Variants in KLF16 observed in about 807,000 individuals in gnomAD.
KLF16 encodes the protein KLF transcription factor 16.
KLF16 carries 6 observed loss-of-function variants against 6.1 expected under a neutral mutation model. The ratio of observed to expected loss-of-function variants is 0.98; its 90% CI spans 0.54 to 1.93. The LOEUF (loss-of-function observed/expected upper bound fraction) is 1.93. Among genes scored for constraint, KLF16 ranks in the 30% most tolerant of loss-of-function variants. The probability of loss-of-function intolerance (pLI) is 0.01; values close to 1 mark genes in which losing one functional copy is unlikely to be tolerated. For missense variants in KLF16, 355 were observed against 363.8 expected, an observed-to-expected ratio of 0.98 and a Z score of 0.20; for synonymous variants, 211 against 176.5, an observed-to-expected ratio of 1.20 and a Z score of -1.55.
chr19:1,852,772 A>T lies in KLF16; in HGVS notation c.*1687T>A, dbSNP rs2011861366. 6.6e-6 allele frequency: 1 copy of T among 151,124 alleles called. No individual in the cohort carries two copies. Among genetic ancestry groups the T allele is most frequent in the African/African-American group, 2.4e-5 (1 of 41,096 alleles). 9.4% of individuals were successfully genotyped at this position (151,124 alleles called of 1,614,324 possible). A position where few individuals can be genotyped will look rare whatever the true frequency, so the allele number is the denominator to read the frequency against. ...ACTAGCGCTGCCAGAAGAGGGTTTG[A>T]GGCTAGGGACAGAGAACACAGAGAG... On this transcript the variant is annotated 3_prime_UTR_variant, in exon 2 of 2. Coordinates refer to ENST00000250916, the MANE Select transcript of KLF16 (RefSeq NM_031918.4).
chr19:1,856,953 G>T (rs1002401421), intron 1 of KLF16, among the ~76,000 whole-genome samples: 5 of 130,244 alleles, frequency 3.8e-5, no homozygotes, highest in Non-Finnish European at 8.0e-5. Context: ...AGGTTGCCGG[G>T]GTGGGGGGGG....
intron 1 of KLF16, among the ~76,000 whole-genome samples, chr19:1,859,908 T>C (rs1322912178): frequency 1.3e-5 from 2 of 151,866 alleles, no homozygotes; most frequent in Non-Finnish European, 2.9e-5. Flanking sequence ...ATGGAGTGCG[T>C]AGAGGCTGGG....
the KLF16 span, among the ~76,000 whole-genome samples, chr19:1,868,932 C>G: frequency 6.6e-6 from 1 of 152,062 alleles, no homozygotes; most frequent in South Asian, 2.1e-4. Context: ...CGTGAGCCAC[C>G]GCACCCGGCC....
chr19:1,862,521 TC>T lies in KLF16; in HGVS notation c.457+519del, dbSNP rs567811902. On this transcript the variant is annotated intron_variant, in intron 1 of 1. Coordinates refer to ENST00000250916, the MANE Select transcript of KLF16 (RefSeq NM_031918.4). ...AGAACGCAGAGAAAACGTGCCGGGC[TC>T]CCCCCATCCTGGCCCCACGCCAGGT... Among the ~76,000 whole-genome samples the T allele has an allele frequency of 7.7e-3, 1,137 of 148,494 alleles. 11 individuals are homozygous for T. The highest frequency in any genetic ancestry group is 0.012 in the Non-Finnish European group (790 of 67,268).
Position 1,863,340 on chromosome 19 carries a change from G to A in KLF16, c.158C>T (p.Pro53Leu). 3 of 981,272 alleles carry A rather than the reference G, an allele frequency of 3.1e-6. No homozygotes were observed. The highest frequency in any genetic ancestry group is 3.6e-6 in the Non-Finnish European group (3 of 828,784). The allele number at this position is 981,272 out of a possible 1,614,324, so 60.8% of individuals were successfully genotyped here. A position where few individuals can be genotyped will look rare whatever the true frequency, so the allele number is the denominator to read the frequency against. ...CGGCGGGGGTGGCCCCGGGGTCCCG[G>A]GTGAGGCGGCCTCGCGGCGCGCCGC... ...VRAARREAAS[P>L]GTPGPPPPPP... Residue 53 changes from proline (P) to leucine (L), a missense_variant, in exon 1 of 2, where the codon CCC (proline) becomes CTC (leucine). Pro to Leu is a moderately conservative substitution (Grantham distance 98). Transcript: ENST00000250916.
chr19:1,863,700 G>T (rs1312903791), upstream of KLF16: 1 of 143,684 alleles, frequency 7.0e-6, no homozygotes, highest in Admixed American at 6.9e-5. Flanking sequence ...GGCGGCCACA[G>T]CCCGCCCCGC....
intron 1 of KLF16, 41 bp from the exon 2 acceptor site, chr19:1,854,801 C>T (rs781586686): frequency 1.0e-5 from 16 of 1,585,184 alleles, no homozygotes; most frequent in Non-Finnish European, 1.1e-5. Flanking sequence ...TCAGCGGGGG[C>T]GGGGGGAGAT....
chr19:1,860,129 G>GC (rs1158506097), intron 1 of KLF16: 8 of 146,332 alleles, frequency 5.5e-5, no homozygotes, highest in African/African-American at 2.0e-4. Flanking sequence ...GCGGGGGGGG[G>GC]GCCCTCCGGG....
rs563568981 is a variant in KLF16 at position 1,853,816 on chromosome 19, C to A, written c.*643G>T. On this transcript the variant is annotated 3_prime_UTR_variant, in exon 2 of 2. Transcript: ENST00000250916. ...TCAGAAGCAACACCTGGAGCCCCTC[C>A]GGGCATCCTAACGCTGCCCCACTCC... 1 of 152,628 alleles carries A rather than the reference C, an allele frequency of 6.6e-6. No homozygotes were observed. Among genetic ancestry groups the A allele is most frequent in the Non-Finnish European group, 1.5e-5 (1 of 68,078 alleles). The allele number at this position is 152,628 out of a possible 1,614,324, so 9.5% of individuals were successfully genotyped here. A position where few individuals can be genotyped will look rare whatever the true frequency, so the allele number is the denominator to read the frequency against.
At position 1,854,594 on chromosome 19, in the gene KLF16, G is replaced by T; in HGVS notation, c.624C>A (p.Arg208=). ...GCAGGTCCGGGTGGAAGCCGGGGTG[G>T]CGGCGGGCGTGCTTGGCCAGGTGGT... is the stretch of plus-strand genomic sequence containing the variant. ...RSDHLAKHAR[R]HPGFHPDLLR... Residue 208 remains arginine, a synonymous_variant, in exon 2 of 2, where the codon CGC becomes CGA. Coordinates refer to ENST00000250916, the MANE Select transcript of KLF16 (RefSeq NM_031918.4). The T allele has an allele frequency of 6.3e-7, 1 of 1,592,534 alleles. No homozygotes were observed. The highest frequency in any genetic ancestry group is 8.5e-7 in the Non-Finnish European group (1 of 1,176,658).
Position 1,863,099 on chromosome 19 carries a change from G to C in KLF16, c.399C>G (p.Asp133Glu), listed in dbSNP as rs776758924. The C allele has an allele frequency of 7.2e-7, 1 of 1,398,456 alleles. No homozygotes were observed. Among genetic ancestry groups the C allele is most frequent in the Non-Finnish European group, 9.5e-7 (1 of 1,057,342 alleles). The allele number at this position is 1,398,456 out of a possible 1,614,324, so 86.6% of individuals were successfully genotyped here. Residue 133 changes from aspartate (D) to glutamate (E), a missense_variant, in exon 1 of 2, where the codon GAC (aspartate) becomes GAG (glutamate). Physicochemically the swap from Asp to Glu is conservative, Grantham distance 45 (BLOSUM62 2). Coordinates refer to ENST00000250916, the MANE Select transcript of KLF16 (RefSeq NM_031918.4). ...AGGACTTGTAGTAGGCTTTGGCGCA[G>C]TCCGGGAAGGGACAGCGGTGGCTCT... ...AAKSHRCPFP[D>E]CAKAYYKSSH...
At chr19:1,872,894 C>G in the KLF16 span, among the ~76,000 whole-genome samples, 1 of 152,058 alleles carries the variant, frequency 6.6e-6, no homozygotes, top group South Asian at 2.1e-4. Flanking sequence ...CTGGGCCGCT[C>G]TGATACCAGT....
chr19:1,874,501 AC>A, the KLF16 span, among the ~76,000 whole-genome samples: 8 of 151,990 alleles, frequency 5.3e-5, no homozygotes, highest in African/African-American at 1.9e-4. Flanking sequence ...GGAAAAAAAA[AC>A]CCCACTACAT....
intron 1 of KLF16, among the ~76,000 whole-genome samples, chr19:1,862,638 C>G (rs2012089678): frequency 6.6e-6 from 1 of 150,792 alleles, no homozygotes; most frequent in Non-Finnish European, 1.5e-5. Flanking sequence ...GAAACTGAGG[C>G]TGGGGGAGGG....
chr19:1,872,209 C>G, the KLF16 span, among the ~76,000 whole-genome samples: 2 of 152,172 alleles, frequency 1.3e-5, no homozygotes, highest in Non-Finnish European at 2.9e-5. Flanking sequence ...TGGCTCACTG[C>G]AACCTCCGCC....
At chr19:1,869,275 G>A in the KLF16 span, among the ~76,000 whole-genome samples, 1 of 152,062 alleles carries the variant, frequency 6.6e-6, no homozygotes, top group Non-Finnish European at 1.5e-5. Flanking sequence ...TCAGAAGTTC[G>A]AAACCAGCCT....
At chr19:1,869,051 G>A in the KLF16 span, among the ~76,000 whole-genome samples, 1 of 152,290 alleles carries the variant, frequency 6.6e-6, no homozygotes, top group East Asian at 1.9e-4. Context: ...AGAGACTCAA[G>A]AGACATAAGG....
upstream of KLF16, among the ~76,000 whole-genome samples, chr19:1,867,306 A>G (rs1416975599): frequency 6.6e-6 from 1 of 152,202 alleles, no homozygotes; most frequent in African/African-American, 2.4e-5. Flanking sequence ...GCAGTGACTC[A>G]CGCCTGTAAC....
Position 1,854,799 on chromosome 19 carries a change from G to A in KLF16, c.458-39C>T, listed in dbSNP as rs745650425. ...CAGAGACAGACAGCGGGTCAGCGGG[G>A]GCGGGGGGAGATGACAGACACGTTC... On this transcript the variant is annotated intron_variant, in intron 1 of 1. Transcript: ENST00000250916. 2.1e-5 allele frequency: 33 copies of A among 1,590,198 alleles called. No homozygotes were observed. The Admixed American group carries it at 5.4e-4, about 26-fold the overall frequency.
Sources: gnomAD v4.1 joint callset for allele counts (sites outside exome capture counted in the v4.1 genomes callset) on GRCh38, gnomAD v4.1.1 for gene constraint, MANE v1.5 for transcripts, NCBI Gene and HGNC (gene_info 2026-07-23, HGNC 2026-07-21) for gene names.